The following CSMD1 variants were observed in gnomAD, a reference collection of about 807,000 sequenced individuals.
CSMD1 encodes the protein CUB and sushi domain-containing protein 1.
A neutral mutation model predicts 417.5 loss-of-function variants in CSMD1; 213 were observed. The ratio of observed to expected loss-of-function variants is 0.51; its 90% CI spans 0.46 to 0.57. The LOEUF (loss-of-function observed/expected upper bound fraction) is 0.57. Ranked by LOEUF, CSMD1 falls within the 20% of genes least tolerant of loss-of-function variation. CSMD1 has a pLI of 0.00. For synonymous variants in CSMD1, 2,862 were observed against 1,736.8 expected (o/e 1.65, Z -16.11); for missense variants, 6,923 against 4,529.7 (o/e 1.53, Z -15.17).
At chr8:4,018,787 C>G (rs1446915642) in intron 4 of CSMD1, among the ~76,000 whole-genome samples, 1 of 152,128 alleles carries the variant, frequency 6.6e-6, no homozygotes, top group Non-Finnish European at 1.5e-5. Context: ...CCAAAGTGTC[C>G]AGGGTCAAAT....
chr8:4,835,976 C>A lies in CSMD1; in HGVS notation c.85+158356G>T, dbSNP rs116681120. Among the ~76,000 whole-genome samples, 255 of 152,068 alleles carry A rather than the reference C, an allele frequency of 1.7e-3. 2 individuals carry two copies. The highest frequency in any genetic ancestry group is 5.6e-3 in the African/African-American group (232 of 41,484). On this transcript the variant is annotated intron_variant, in intron 1 of 69. Transcript: ENST00000635120. Reference sequence around the variant, plus strand: ...ATTTTGAGAATTAATTAGGTACCTTCTAAATGTAAAATATCCTACCAGATT... The same window carrying A: ...ATTTTGAGAATTAATTAGGTACCTTATAAATGTAAAATATCCTACCAGATT...
intron 3 of CSMD1, among the ~76,000 whole-genome samples, chr8:4,311,380 T>C (rs1331270597): frequency 6.6e-6 from 1 of 152,184 alleles, no homozygotes; most frequent in Non-Finnish European, 1.5e-5. Context: ...GCCATTATTC[T>C]TGGCAAACTA....
chr8:4,658,369 A>G (rs1200952244), intron 1 of CSMD1, among the ~76,000 whole-genome samples: 1 of 152,160 alleles, frequency 6.6e-6, no homozygotes, highest in Non-Finnish European at 1.5e-5. Context: ...GTAACTTATT[A>G]TACACAACAG....
chr8:4,043,469 T>G (rs1016291319), intron 3 of CSMD1, among the ~76,000 whole-genome samples: 2 of 152,188 alleles, frequency 1.3e-5, no homozygotes, highest in Non-Finnish European at 2.9e-5. Flanking sequence ...ATACACCCAG[T>G]GTTATGTTGT....
intron 10 of CSMD1, among the ~76,000 whole-genome samples, chr8:3,562,417 AAC>A (rs1309600696): frequency 6.9e-6 from 1 of 145,330 alleles, no homozygotes; most frequent in African/African-American, 2.6e-5. Context: ...CACATGCACA[AAC>A]ACACATGCAC....
chr8:4,932,853 G>A (rs186644314), intron 1 of CSMD1, among the ~76,000 whole-genome samples: 84 of 152,314 alleles, frequency 5.5e-4, no homozygotes, highest in African/African-American at 1.9e-3. Context: ...AGGTCCTGTC[G>A]ACGCCTCAAA....
At chr8:3,548,694 A>ACACACC (rs1296623158) in intron 10 of CSMD1, among the ~76,000 whole-genome samples, 1 of 149,844 alleles carries the variant, frequency 6.7e-6, no homozygotes, top group African/African-American at 2.4e-5. Context: ...ACACACACAC[A>ACACACC]CACACACCAT....
At chr8:4,224,046 C>G (rs556345334) in intron 3 of CSMD1, among the ~76,000 whole-genome samples, 2 of 152,038 alleles carry the variant, frequency 1.3e-5, no homozygotes, top group South Asian at 4.1e-4. Context: ...AACATGCATA[C>G]GTAACCCTAC....
At chr8:3,786,119 T>A (rs868125043) in intron 5 of CSMD1, among the ~76,000 whole-genome samples, 1 of 152,016 alleles carries the variant, frequency 6.6e-6, no homozygotes, top group Non-Finnish European at 1.5e-5. Context: ...GTGAATCAAA[T>A]AGAGGTGAGG....
chr8:2,982,866 C>T (rs1052409382), intron 54 of CSMD1, among the ~76,000 whole-genome samples: 1 of 152,118 alleles, frequency 6.6e-6, no homozygotes, highest in African/African-American at 2.4e-5. Flanking sequence ...TCAATAGAAA[C>T]GAAGCCACCT....
chr8:3,327,369 G>T (rs941370793), intron 23 of CSMD1, among the ~76,000 whole-genome samples: 2 of 152,096 alleles, frequency 1.3e-5, no homozygotes, highest in African/African-American at 4.8e-5. Context: ...TCGTGACCTT[G>T]TGATCTGCCC....
chr8:3,513,461 G>C (rs974507338), intron 10 of CSMD1, among the ~76,000 whole-genome samples: 18 of 151,970 alleles, frequency 1.2e-4, no homozygotes, highest in African/African-American at 4.1e-4. Context: ...GAATAGCTGG[G>C]ATTACAGGCC....
intron 3 of CSMD1, among the ~76,000 whole-genome samples, chr8:4,136,777 A>C (rs1374345816): frequency 6.6e-6 from 1 of 152,192 alleles, no homozygotes; most frequent in East Asian, 1.9e-4. Flanking sequence ...TATAATGATT[A>C]GTTTGTTGGA....
intron 5 of CSMD1, among the ~76,000 whole-genome samples, chr8:3,820,869 T>C (rs116067005): frequency 0.016 from 2,416 of 151,988 alleles, 50 homozygotes; most frequent in African/African-American, 0.042. Context: ...TAGGTCACAA[T>C]GCCTTCTTCG....
intron 10 of CSMD1, among the ~76,000 whole-genome samples, chr8:3,513,706 G>C (rs749334213): frequency 5.3e-5 from 8 of 152,202 alleles, no homozygotes; most frequent in Non-Finnish European, 1.2e-4. Flanking sequence ...GGATATGTAA[G>C]TCTACTGCCC....
chr8:4,837,658 C>CA (rs563176303), intron 1 of CSMD1, among the ~76,000 whole-genome samples: 1,811 of 151,266 alleles, frequency 0.012, 35 homozygotes, highest in African/African-American at 0.042. Context: ...TTAACAGGTA[C>CA]AAAAAAAAGT....
At chr8:3,131,098 AT>A (rs1817768700) in intron 41 of CSMD1, among the ~76,000 whole-genome samples, 1 of 152,236 alleles carries the variant, frequency 6.6e-6, no homozygotes, top group Admixed American at 6.5e-5. Flanking sequence ...GTCTTACTGT[AT>A]AAAATAAAAT....
At chr8:4,230,044 C>G (rs1162746187) in intron 3 of CSMD1, among the ~76,000 whole-genome samples, 1 of 152,170 alleles carries the variant, frequency 6.6e-6, no homozygotes, top group Non-Finnish European at 1.5e-5. Context: ...ATAAGAACAT[C>G]TTACGTGCGT....
intron 4 of CSMD1, among the ~76,000 whole-genome samples, chr8:4,020,952 T>C (rs1272366935): frequency 2.6e-5 from 4 of 152,264 alleles, no homozygotes; most frequent in African/African-American, 9.6e-5. Flanking sequence ...CATTGTGACG[T>C]GGACTTTGAT....
Sources: allele counts gnomAD v4.1 joint callset (sites outside exome capture counted in the v4.1 genomes callset), GRCh38; gene constraint gnomAD v4.1.1; transcripts MANE v1.5; gene names NCBI Gene and HGNC (gene_info 2026-07-23, HGNC 2026-07-21).